CDH23: variants seen among roughly 807,000 people sequenced by gnomAD.
The protein encoded by CDH23 is cadherin-23.
A neutral mutation model predicts 317.1 loss-of-function variants in CDH23; 189 were observed. The ratio of observed to expected loss-of-function variants is 0.60; its 90% CI spans 0.53 to 0.67. The LOEUF (loss-of-function observed/expected upper bound fraction) is 0.67, where lower values mean the gene tolerates loss of function less well. Ranked by LOEUF, CDH23 falls within the 30% of genes least tolerant of loss-of-function variation. The pLI, the probability that CDH23 is intolerant of heterozygous loss-of-function variation, is 0.00. For missense variants in CDH23, 4,401 were observed against 4,592.4 expected (o/e 0.96, Z 1.20); for synonymous variants, 1,839 against 1,876.8 (o/e 0.98, Z 0.52).
intron 19 of CDH23, 108 bp downstream of exon 19, chr10:71,687,827 A>G (rs1864971098): frequency 9.7e-7 from 1 of 1,033,064 alleles, no homozygotes; most frequent in East Asian, 2.6e-5. Flanking sequence ...TGGGAGGTCC[A>G]TGGCCTTCTC....
chr10:71,716,769 T>G, intron 28 of CDH23: 2 of 166,270 alleles, frequency 1.2e-5, no homozygotes, highest in African/African-American at 2.4e-5. Flanking sequence ...AGTAATCTAA[T>G]ACCAAAGCTG....
rs116300879 is a variant in CDH23, at chr10:71,613,967, T to G, written c.833-1537T>G. ...GTCCCAAAGTAATATATCTATACTT[T>G]CACACTTATTTAATTCTCATAACCC... is the stretch of plus-strand genomic sequence containing the variant. On this transcript the variant is annotated intron_variant, in intron 9 of 69. Transcript: ENST00000224721. 9.9e-3 allele frequency among the ~76,000 whole-genome samples: 1,502 copies of G among 152,360 alleles called. 27 individuals are homozygous for G. The highest frequency in any genetic ancestry group is 0.035 in the African/African-American group (1,435 of 41,582).
chr10:71,576,612 T>C (rs990180443), intron 8 of CDH23, among the ~76,000 whole-genome samples: 14 of 152,004 alleles, frequency 9.2e-5, no homozygotes, highest in African/African-American at 3.4e-4. Flanking sequence ...AGGGTTGACA[T>C]TTCCCTAGGG....
At chr10:71,810,223 T>C (rs1841876026) in intron 61 of CDH23, 147 bp downstream of exon 61, 2 of 1,056,996 alleles carry the variant, frequency 1.9e-6, no homozygotes, top group Non-Finnish European at 2.7e-6. Flanking sequence ...AGTGCAGCTT[T>C]GATAAAGTTC....
At chr10:71,644,784 C>T (rs4747177) in intron 12 of CDH23, among the ~76,000 whole-genome samples, 72,426 of 152,160 alleles carry the variant, frequency 0.48, 17,900 homozygotes, top group East Asian at 0.75. Context: ...AAGCCAGAGC[C>T]TCTGCCTCTG....
chr10:71,778,831 C>T (rs544669259), intron 40 of CDH23, among the ~76,000 whole-genome samples: 1 of 152,332 alleles, frequency 6.6e-6, no homozygotes, highest in African/African-American at 2.4e-5. Flanking sequence ...TCACAGCTCA[C>T]TGCAGACTCG....
At chr10:71,573,195 T>TAGGGC (rs1857939031) in intron 8 of CDH23, among the ~76,000 whole-genome samples, 2 of 152,316 alleles carry the variant, frequency 1.3e-5, no homozygotes, top group Admixed American at 1.3e-4. Flanking sequence ...GTCAGTCAAT[T>TAGGGC]ACAGTAGCTA....
At chr10:71,428,338 A>G (rs1183429824) in intron 1 of CDH23, among the ~76,000 whole-genome samples, 1 of 151,554 alleles carries the variant, frequency 6.6e-6, no homozygotes, top group Non-Finnish European at 1.5e-5. Flanking sequence ...GGGTTTCACC[A>G]TGTTGGTCAG....
chr10:71,628,947 T>C (rs1171412974), intron 11 of CDH23, among the ~76,000 whole-genome samples: 2 of 152,144 alleles, frequency 1.3e-5, no homozygotes, highest in Non-Finnish European at 2.9e-5. Flanking sequence ...AAAACGAGGC[T>C]CAGAGAGGAA....
intron 38 of CDH23, among the ~76,000 whole-genome samples, chr10:71,744,267 C>A (rs1392223201): frequency 6.6e-6 from 1 of 152,074 alleles, no homozygotes; most frequent in African/African-American, 2.4e-5. Flanking sequence ...AATCCTAATG[C>A]AGGCCAGTCA....
chr10:71,790,896 G>A, intron 46 of CDH23: 1 of 576,994 alleles, frequency 1.7e-6, no homozygotes, highest in Non-Finnish European at 3.1e-6. Flanking sequence ...GAGTCTTGAA[G>A]ACAGCAGAGG....
At chr10:71,811,644 C>T (rs1841931326) in intron 64 of CDH23, 54 bp downstream of exon 64, 2 of 1,613,768 alleles carry the variant, frequency 1.2e-6, no homozygotes, top group Non-Finnish European at 8.5e-7. Context: ...TCCCGGATGG[C>T]CACGAGGCAG....
chr10:71,446,228 C>T (rs1233888654), intron 2 of CDH23, 90 bp from the exon 3 acceptor site: 4 of 1,221,606 alleles, frequency 3.3e-6, no homozygotes, highest in African/African-American at 1.5e-5. Context: ...AGGCTCAGTG[C>T]CCACTGCAGC....
chr10:71,782,082 G>A (rs1840972111), intron 41 of CDH23, among the ~76,000 whole-genome samples: 1 of 152,206 alleles, frequency 6.6e-6, no homozygotes, highest in South Asian at 2.1e-4. Flanking sequence ...GCCTGAGGCT[G>A]GAAGGCTGCT....
At chr10:71,768,055 C>G (rs1468700652) in intron 38 of CDH23, among the ~76,000 whole-genome samples, 1 of 152,242 alleles carries the variant, frequency 6.6e-6, no homozygotes, top group Non-Finnish European at 1.5e-5. Context: ...GCCACCCTCA[C>G]GCTTCTATGC....
intron 26 of CDH23, among the ~76,000 whole-genome samples, chr10:71,707,693 G>A (rs942481479): frequency 2.0e-5 from 3 of 152,124 alleles, no homozygotes; most frequent in East Asian, 3.9e-4. Flanking sequence ...TAGCCTCCCC[G>A]ACACACGAGA....
In CDH23 at chr10:71,566,948, T is replaced by G. The variant is rs372584254; in HGVS notation, c.624+12T>G. On this transcript the variant is annotated intron_variant, in intron 7 of 69. Coordinates refer to ENST00000224721, the MANE Select transcript of CDH23 (RefSeq NM_022124.6). ...CGGTCAACGCCACAGTGAGTCTCCA[T>G]GCTGGGGCCCCGGCCGTCCCAGCTG... The G allele has an allele frequency of 1.2e-6, 2 of 1,608,880 alleles. No individual in the cohort carries two copies. The highest frequency in any genetic ancestry group is 1.7e-6 in the Non-Finnish European group (2 of 1,178,992).
intron 11 of CDH23, among the ~76,000 whole-genome samples, chr10:71,627,618 C>A (rs1487977044): frequency 1.3e-5 from 2 of 152,182 alleles, no homozygotes; most frequent in Non-Finnish European, 2.9e-5. Context: ...CCAGTGCCCA[C>A]CCCTCACCTC....
intron 11 of CDH23, among the ~76,000 whole-genome samples, chr10:71,625,420 A>C (rs1209375107): frequency 1.0e-4 from 14 of 138,948 alleles, no homozygotes; most frequent in East Asian, 7.8e-4. Flanking sequence ...AAAAAAAAAA[A>C]AAAATGACAA....
Sources: gnomAD v4.1 joint callset for allele counts (sites outside exome capture counted in the v4.1 genomes callset) on GRCh38, gnomAD v4.1.1 for gene constraint, MANE v1.5 for transcripts, NCBI Gene and HGNC (gene_info 2026-07-23, HGNC 2026-07-21) for gene names.